NEK10: variants seen among roughly 807,000 people sequenced by gnomAD.
NEK10 encodes the protein serine/threonine-protein kinase Nek10.
NEK10 carries 122 observed loss-of-function variants against 159.8 expected under a neutral mutation model. The ratio of observed to expected loss-of-function variants is 0.76; its 90% CI spans 0.66 to 0.89. The LOEUF (loss-of-function observed/expected upper bound fraction) is 0.89. Among genes scored for constraint, NEK10 ranks in the 40% least tolerant of loss-of-function variants. The probability of loss-of-function intolerance (pLI) is 0.00; values close to 1 mark genes in which losing one functional copy is unlikely to be tolerated. For missense variants in NEK10, 1,342 were observed against 1,323.1 expected (o/e 1.01, Z -0.22); for synonymous variants, 466 against 457.1 (o/e 1.02, Z -0.25).
intron 25 of NEK10, among the ~76,000 whole-genome samples, chr3:27,198,813 T>C (rs144650471): frequency 6.6e-6 from 1 of 152,220 alleles, no homozygotes; most frequent in East Asian, 1.9e-4. Flanking sequence ...GACTCACGAC[T>C]GTAATCCCAG....
chr3:27,312,315 A>C, intron 7 of NEK10, 138 bp from the exon 8 acceptor site: 1 of 510,360 alleles, frequency 2.0e-6, no homozygotes, highest in Non-Finnish European at 3.4e-6. Context: ...ATGCTCCTGG[A>C]ACAGTTATCG....
intron 5 of NEK10, among the ~76,000 whole-genome samples, chr3:27,328,206 T>C (rs1384460057): frequency 6.6e-6 from 1 of 152,188 alleles, no homozygotes; most frequent in Non-Finnish European, 1.5e-5. Context: ...TATATACTCA[T>C]CACCTGTGAT....
At chr3:27,255,707 T>C (rs1956102172) in intron 23 of NEK10, among the ~76,000 whole-genome samples, 1 of 152,188 alleles carries the variant, frequency 6.6e-6, no homozygotes. Context: ...TGCCAAAGAA[T>C]TTAAGTGTCT....
At chr3:27,165,309 A>C (rs1233223378) in intron 29 of NEK10, among the ~76,000 whole-genome samples, 1 of 152,236 alleles carries the variant, frequency 6.6e-6, no homozygotes, top group African/African-American at 2.4e-5. Flanking sequence ...CAGAAGTGAC[A>C]GCTTTTAACT....
chr3:27,361,980 GTC>G (rs1408220794), intron 1 of NEK10, among the ~76,000 whole-genome samples: 12 of 152,074 alleles, frequency 7.9e-5, no homozygotes, highest in Admixed American at 5.9e-4. Context: ...TGCTGATAAT[GTC>G]TCTTTGTAAA....
Position 27,108,297 on chromosome 3 carries a change from T to G in NEK10, c.*2975A>C, listed in dbSNP as rs1192686601. On this transcript the variant is annotated 3_prime_UTR_variant, in exon 36 of 36. Transcript: ENST00000691995. ...CAGCATTTCTCTAGGTTTCTGAAATTCATCCACAAGCAGTGGGTCCAAGTG... is the reference window on the plus strand; with the variant it reads ...CAGCATTTCTCTAGGTTTCTGAAATGCATCCACAAGCAGTGGGTCCAAGTG... Among the ~76,000 whole-genome samples, 2 of 152,222 alleles carry G rather than the reference T, an allele frequency of 1.3e-5. No individual in the cohort carries two copies. Among genetic ancestry groups the G allele is most frequent in the Non-Finnish European group, 2.9e-5 (2 of 68,040 alleles).
At chr3:27,192,315 G>A (rs1949191052) in intron 25 of NEK10, 73 bp from the exon 26 acceptor site, 3 of 1,074,956 alleles carry the variant, frequency 2.8e-6, no homozygotes, top group Admixed American at 3.5e-5. Context: ...AAGGGTCAAG[G>A]TTAAACTCCA....
intron 23 of NEK10, among the ~76,000 whole-genome samples, chr3:27,247,891 A>G (rs1427144414): frequency 5.0e-5 from 7 of 141,194 alleles, no homozygotes; most frequent in Admixed American, 4.5e-4. Flanking sequence ...CTCACGGTGT[A>G]AGTTTGGAAG....
In NEK10 at chr3:27,304,773, GAT is replaced by G; in HGVS notation, c.1000_1001del (p.Ile334GlnfsTer16). ...TSVEIRIWGG[I>X]KQLLHILQGD... ...CTTGTAAAATATGAAGAAGCTGTTTGATGCCTCCCCAAATGCGAATTTCCACG... is the reference window on the plus strand; with the variant it reads ...CTTGTAAAATATGAAGAAGCTGTTTGGCCTCCCCAAATGCGAATTTCCACG... On this transcript the variant is annotated frameshift_variant, in exon 12 of 36. Coordinates refer to ENST00000691995, the MANE Select transcript of NEK10 (RefSeq NM_001394966.1). LOFTEE classifies it high-confidence loss of function. 1.2e-6 allele frequency: 2 copies of G among 1,613,314 alleles called. No individual in the cohort carries two copies. Among genetic ancestry groups the G allele is most frequent in the Non-Finnish European group, 1.7e-6 (2 of 1,179,304 alleles).
In NEK10 at chr3:27,307,961, T is replaced by C. The variant is rs1426604580; in HGVS notation, c.717-16A>G. On this transcript the variant is annotated splice_polypyrimidine_tract_variant and intron_variant, in intron 10 of 35. Coordinates refer to ENST00000691995, the MANE Select transcript of NEK10 (RefSeq NM_001394966.1). ...ACATTCTTGACTATAAATTGAAAAATATTAGCAATTACTAAAAGCATATTT... is the reference window on the plus strand; with the variant it reads ...ACATTCTTGACTATAAATTGAAAAACATTAGCAATTACTAAAAGCATATTT... 2.5e-6 allele frequency: 3 copies of C among 1,191,396 alleles called. No individual in the cohort carries two copies. The highest frequency in any genetic ancestry group is 1.5e-5 in the African/African-American group (1 of 66,552). The allele number at this position is 1,191,396 out of a possible 1,614,324, so 73.8% of individuals were successfully genotyped here. A position where few individuals can be genotyped will look rare whatever the true frequency, so the allele number is the denominator to read the frequency against.
At chr3:27,122,366 C>T (rs775694424) in intron 32 of NEK10, among the ~76,000 whole-genome samples, 9 of 152,134 alleles carry the variant, frequency 5.9e-5, no homozygotes, top group Non-Finnish European at 8.8e-5. Context: ...TACCAAGTCT[C>T]GGGCATTTCT....
At chr3:27,260,899 G>A (rs1169531096) in intron 22 of NEK10, among the ~76,000 whole-genome samples, 1 of 152,072 alleles carries the variant, frequency 6.6e-6, no homozygotes, top group Non-Finnish European at 1.5e-5. Flanking sequence ...CAATTTCAGA[G>A]CCTGTTATTG....
At chr3:27,224,403 C>T (rs1238995118) in intron 23 of NEK10, among the ~76,000 whole-genome samples, 2 of 152,192 alleles carry the variant, frequency 1.3e-5, no homozygotes, top group Admixed American at 6.5e-5. Context: ...CTCCCGCCCC[C>T]ACAACACTTC....
intron 26 of NEK10, among the ~76,000 whole-genome samples, chr3:27,181,051 T>G (rs9858306): frequency 0.64 from 96,810 of 151,808 alleles, 33,112 homozygotes; most frequent in African/African-American, 0.91. Context: ...GGATCTTTGG[T>G]CATGCTACTC....
intron 23 of NEK10, among the ~76,000 whole-genome samples, chr3:27,230,711 G>C (rs1225282413): frequency 6.6e-6 from 1 of 151,904 alleles, no homozygotes; most frequent in East Asian, 1.9e-4. Context: ...AAGCAAGCAG[G>C]AATAGCAATT....
chr3:27,324,315 G>A (rs1043002484), intron 5 of NEK10, among the ~76,000 whole-genome samples: 2 of 152,188 alleles, frequency 1.3e-5, no homozygotes, highest in African/African-American at 4.8e-5. Flanking sequence ...CAGTTGTTGA[G>A]GATACTTGTA....
intron 15 of NEK10, among the ~76,000 whole-genome samples, chr3:27,294,434 G>C (rs1419553049): frequency 1.3e-5 from 2 of 152,200 alleles, no homozygotes; most frequent in Non-Finnish European, 2.9e-5. Flanking sequence ...AGCCAGGTGA[G>C]AGCAGTGGAG....
intron 32 of NEK10, among the ~76,000 whole-genome samples, chr3:27,127,739 T>C (rs937404250): frequency 4.0e-4 from 61 of 152,176 alleles, no homozygotes; most frequent in African/African-American, 1.4e-3. Flanking sequence ...CTTGTAAATA[T>C]ATATTTCAAA....
chr3:27,189,624 G>A (rs1346624805), intron 26 of NEK10, among the ~76,000 whole-genome samples: 3 of 152,066 alleles, frequency 2.0e-5, no homozygotes, highest in Non-Finnish European at 2.9e-5. Context: ...CAGCAATGGT[G>A]TAGATGTAAG....
Sources: allele counts gnomAD v4.1 joint callset (sites outside exome capture counted in the v4.1 genomes callset), GRCh38; gene constraint gnomAD v4.1.1; transcripts MANE v1.5; gene names NCBI Gene and HGNC (gene_info 2026-07-23, HGNC 2026-07-21).